AGPAT3: variants seen among roughly 807,000 people sequenced by gnomAD.
AGPAT3 encodes the protein 1-acyl-sn-glycerol-3-phosphate acyltransferase gamma.
In AGPAT3, 5 loss-of-function variants were observed where a neutral mutation model predicts 47.3. The ratio of observed to expected loss-of-function variants is 0.11; its 90% CI spans 0.06 to 0.22. The LOEUF (loss-of-function observed/expected upper bound fraction) is 0.22, where lower values mean the gene tolerates loss of function less well. Ranked by LOEUF, AGPAT3 falls within the 10% of genes least tolerant of loss-of-function variation. AGPAT3 has a pLI of 1.00. For synonymous variants in AGPAT3, 212 were observed against 208.3 expected, an observed-to-expected ratio of 1.02 and a Z score of -0.15; for missense variants, 315 against 493.0, an observed-to-expected ratio of 0.64 and a Z score of 3.42.
chr21:43,929,914 A>T (rs924260899), intron 2 of AGPAT3, among the ~76,000 whole-genome samples: 2 of 152,246 alleles, frequency 1.3e-5, no homozygotes, highest in African/African-American at 4.8e-5. Flanking sequence ...GCGAGCTCAC[A>T]GTGTCTCATT....
Position 43,932,561 on chromosome 21 carries a change from G to T in AGPAT3, c.-48-27073G>T, listed in dbSNP as rs2087289317. Among the ~76,000 whole-genome samples, 1 of 152,244 alleles carries T rather than the reference G, an allele frequency of 6.6e-6. No homozygotes were observed. The highest frequency in any genetic ancestry group is 2.4e-5 in the African/African-American group (1 of 41,454). ...TGTGGCTGTTGGGGGTGATGCTGCAGTGAACATGGGCGTGCCGGTGTCTAT... is the reference window on the plus strand; with the variant it reads ...TGTGGCTGTTGGGGGTGATGCTGCATTGAACATGGGCGTGCCGGTGTCTAT... On this transcript the variant is annotated intron_variant, in intron 2 of 9. Transcript: ENST00000291572. This position sits in a 1 kb window ranked among gnomAD's most constrained non-coding sequence, Gnocchi z 5.2.
intron 2 of AGPAT3, among the ~76,000 whole-genome samples, chr21:43,912,639 C>G (rs538104016): frequency 7.2e-5 from 11 of 152,380 alleles, no homozygotes; most frequent in African/African-American, 2.4e-4. Context: ...TCAGCATCTG[C>G]TTTTCCTGAG....
chr21:43,894,291 T>C (rs1319924840), intron 1 of AGPAT3, among the ~76,000 whole-genome samples: 1 of 151,388 alleles, frequency 6.6e-6, no homozygotes, highest in Non-Finnish European at 1.5e-5. Context: ...GTGTAGGATA[T>C]CACTGGTGAA....
intron 3 of AGPAT3, 58 bp from the exon 4 acceptor site, chr21:43,967,888 C>T: frequency 1.3e-6 from 2 of 1,567,190 alleles, no homozygotes; most frequent in Non-Finnish European, 1.7e-6. Flanking sequence ...GTGGGCGCTC[C>T]CTGACCATCC....
In AGPAT3 at chr21:43,920,090, A is replaced by G. The variant is rs1017849219; in HGVS notation, c.-49+16071A>G. Among the ~76,000 whole-genome samples, 10 of 152,210 alleles carry G rather than the reference A, an allele frequency of 6.6e-5. No individual in the cohort carries two copies. The highest frequency in any genetic ancestry group is 2.4e-4 in the African/African-American group (10 of 41,526). ...ACCTGAAGCTTGGAGAAGGGACAGGAGTGCACTGCAGGCGGGGGTGTGACC... is the reference window on the plus strand; with the variant it reads ...ACCTGAAGCTTGGAGAAGGGACAGGGGTGCACTGCAGGCGGGGGTGTGACC... On this transcript the variant is annotated intron_variant, in intron 2 of 9. Coordinates refer to ENST00000291572, the MANE Select transcript of AGPAT3 (RefSeq NM_020132.5). The surrounding 1 kb of genome is among the most constrained non-coding windows in gnomAD (Gnocchi z 6.1).
At chr21:43,866,137 T>A (rs1227368698) in intron 1 of AGPAT3, among the ~76,000 whole-genome samples, 2 of 150,036 alleles carry the variant, frequency 1.3e-5, no homozygotes, top group Non-Finnish European at 3.0e-5. Flanking sequence ...TTTTTTTTTT[T>A]AACTTTGAGA....
At chr21:43,898,612 C>T (rs1003274427) in intron 1 of AGPAT3, among the ~76,000 whole-genome samples, 8 of 152,146 alleles carry the variant, frequency 5.3e-5, no homozygotes, top group Admixed American at 2.6e-4. Flanking sequence ...CTGCAGCCTC[C>T]GCCTCCTAGG....
At chr21:43,890,294 C>G (rs2053792195) in intron 1 of AGPAT3, among the ~76,000 whole-genome samples, 1 of 152,182 alleles carries the variant, frequency 6.6e-6, no homozygotes, top group South Asian at 2.1e-4. Context: ...CCCGCTTTGC[C>G]TCCGTCATGA....
chr21:43,971,808 A>G (rs1257844688), intron 7 of AGPAT3, among the ~76,000 whole-genome samples: 1 of 152,208 alleles, frequency 6.6e-6, no homozygotes, highest in Non-Finnish European at 1.5e-5. Flanking sequence ...GGCCACCTCC[A>G]TCCTCTCCTT....
At position 43,932,125 on chromosome 21, in the gene AGPAT3, T is replaced by C. The variant is rs2087269490; in HGVS notation, c.-48-27509T>C. On this transcript the variant is annotated intron_variant, in intron 2 of 9. Transcript: ENST00000291572. The surrounding 1 kb of genome is among the most constrained non-coding windows in gnomAD (Gnocchi z 5.2). The stretch of plus-strand genomic sequence containing the variant: ...ACATCGTTTTTGGTGGTGTGGATGT[T>C]AAAAATCTATTCTTTCCCTGATTTT... 1.3e-5 allele frequency among the ~76,000 whole-genome samples: 2 copies of C among 152,220 alleles called. No individual in the cohort carries two copies. The highest frequency in any genetic ancestry group is 4.1e-4 in the South Asian group (2 of 4,834).
At chr21:43,957,522 TCCCCTCCACACGGGGGTCTCGGGTTTC>T (rs1569090055) in intron 2 of AGPAT3, among the ~76,000 whole-genome samples, 30 of 112,920 alleles carry the variant, frequency 2.7e-4, no homozygotes, top group East Asian at 8.4e-4. Context: ...GTCTCGGGTT[TCCCCTCCACACGGGGGTCTCGGGTTTC>T]CCCCTCCACA....
At chr21:43,869,639 G>C (rs1469806381) in intron 1 of AGPAT3, among the ~76,000 whole-genome samples, 3 of 152,152 alleles carry the variant, frequency 2.0e-5, no homozygotes, top group African/African-American at 7.2e-5. Context: ...AGCAGTGCTG[G>C]GGAGGAGGAG....
In AGPAT3 at chr21:43,984,955, C is replaced by T; in HGVS notation, c.*2563C>T. The T allele has an allele frequency of 2.7e-6, 1 of 375,604 alleles. No individual in the cohort carries two copies. The highest frequency in any genetic ancestry group is 2.0e-5 in the South Asian group (1 of 50,838). 23.3% of individuals were successfully genotyped at this position (375,604 alleles called of 1,614,324 possible). A position where few individuals can be genotyped will look rare whatever the true frequency, so the allele number is the denominator to read the frequency against. Reference sequence around the variant, plus strand: ...TTCTAGGCCTGGCATCGCTGATGCCCTCTGCACCCAGTCCTTGAGCCAGGC... The same window carrying T: ...TTCTAGGCCTGGCATCGCTGATGCCTTCTGCACCCAGTCCTTGAGCCAGGC... On this transcript the variant is annotated 3_prime_UTR_variant, in exon 10 of 10. Transcript: ENST00000291572.
chr21:43,955,589 C>T lies in AGPAT3; in HGVS notation c.-48-4045C>T, dbSNP rs1011833829. Among the ~76,000 whole-genome samples, 4 of 151,792 alleles carry T rather than the reference C, an allele frequency of 2.6e-5. No individual in the cohort carries two copies. Among genetic ancestry groups the T allele is most frequent in the African/African-American group, 9.7e-5 (4 of 41,356 alleles). On this transcript the variant is annotated intron_variant, in intron 2 of 9. Coordinates refer to ENST00000291572, the MANE Select transcript of AGPAT3 (RefSeq NM_020132.5). The surrounding 1 kb of genome is among the most constrained non-coding windows in gnomAD (Gnocchi z 4.1). ...GATTACAGGTGTGAGCCACCGCGCCCGGCTGAGAATCTGATTTTTAAAAAT... is the reference window on the plus strand; with the variant it reads ...GATTACAGGTGTGAGCCACCGCGCCTGGCTGAGAATCTGATTTTTAAAAAT...
chr21:43,955,118 C>A lies in AGPAT3; in HGVS notation c.-48-4516C>A. The A allele has an allele frequency of 1.6e-6, 2 of 1,274,582 alleles. No individual in the cohort carries two copies. Among genetic ancestry groups the A allele is most frequent in the Non-Finnish European group, 2.0e-6 (2 of 979,646 alleles). 79.0% of individuals were successfully genotyped at this position (1,274,582 alleles called of 1,614,324 possible). The stretch of plus-strand genomic sequence containing the variant: ...GCGTATCACCGTGGCACGTCCATGC[C>A]GTGGGGGTCACTCAGCAGCCACGGA... On this transcript the variant is annotated intron_variant, in intron 2 of 9. Coordinates refer to ENST00000291572, the MANE Select transcript of AGPAT3 (RefSeq NM_020132.5). This position sits in a 1 kb window ranked among gnomAD's most constrained non-coding sequence, Gnocchi z 4.1.
intron 1 of AGPAT3, among the ~76,000 whole-genome samples, chr21:43,891,519 G>A (rs1326804760): frequency 6.6e-6 from 1 of 152,026 alleles, no homozygotes; most frequent in African/African-American, 2.4e-5. Flanking sequence ...TGTAATCCCA[G>A]CTACTCAAGA....
intron 2 of AGPAT3, among the ~76,000 whole-genome samples, chr21:43,917,931 T>A (rs1482397866): frequency 2.8e-5 from 1 of 35,304 alleles, no homozygotes; most frequent in Non-Finnish European, 4.7e-5. Context: ...GGGGTGTGGG[T>A]GTTGTGGGTG....
intron 2 of AGPAT3, among the ~76,000 whole-genome samples, chr21:43,907,712 G>A (rs569967921): frequency 2.0e-4 from 31 of 152,202 alleles, no homozygotes; most frequent in Admixed American, 1.2e-3. Flanking sequence ...GCGAGACTCC[G>A]TCTCAACAAC....
At chr21:43,877,574 C>G (rs529240849) in intron 1 of AGPAT3, among the ~76,000 whole-genome samples, 2 of 152,208 alleles carry the variant, frequency 1.3e-5, no homozygotes, top group Admixed American at 6.5e-5. Context: ...TCCTGAGTAG[C>G]CGGGATTACA....
Sources: allele counts gnomAD v4.1 joint callset (sites outside exome capture counted in the v4.1 genomes callset), GRCh38; gene constraint gnomAD v4.1.1; non-coding constraint Gnocchi (gnomAD v3.1); transcripts MANE v1.5; gene names NCBI Gene and HGNC (gene_info 2026-07-23, HGNC 2026-07-21).